WDR93: variants seen among roughly 807,000 people sequenced by gnomAD.
WDR93 encodes the protein WD repeat-containing protein 93.
Under a neutral mutation model 82.9 loss-of-function variants are expected in WDR93, and 73 were observed. That is an observed-to-expected ratio of 0.88 (90% CI 0.73 to 1.07). The LOEUF is 1.07. Among genes scored for constraint, WDR93 ranks in the 50% least tolerant of loss-of-function variants. The probability of loss-of-function intolerance (pLI) is 0.00; values close to 1 mark genes in which losing one functional copy is unlikely to be tolerated. For synonymous variants in WDR93, 283 were observed against 300.1 expected, an observed-to-expected ratio of 0.94 and a Z score of 0.59; for missense variants, 738 against 826.0, an observed-to-expected ratio of 0.89 and a Z score of 1.31.
At chr15:89,715,148 C>T in intron 6 of WDR93, 53 bp downstream of exon 6, 1 of 1,517,372 alleles carries the variant, frequency 6.6e-7, no homozygotes, top group South Asian at 1.2e-5. Flanking sequence ...CCCTGACCCA[C>T]ATCTAGCCCA....
rs775846107 is a variant in WDR93, at chr15:89,729,110, TG to T, written c.1123+20del. The T allele has an allele frequency of 3.1e-6, 5 of 1,612,216 alleles. No homozygotes were observed. The highest frequency in any genetic ancestry group is 3.4e-6 in the Non-Finnish European group (4 of 1,178,424). On this transcript the variant is annotated intron_variant, in intron 10 of 16. Coordinates refer to ENST00000268130, the MANE Select transcript of WDR93 (RefSeq NM_020212.2). ...GCCCCTCAGGTAAATGAACATGAAG[TG>T]GGTGGTTGTCCTAGCAAGGAGTCAC... is the stretch of plus-strand genomic sequence containing the variant.
At chr15:89,690,655 A>T, upstream of WDR93, 1 of 1,545,116 alleles carries the variant, frequency 6.5e-7, no homozygotes, top group Non-Finnish European at 8.8e-7. Context: ...AAAGGCCACG[A>T]GTCGCACGGG....
intron 3 of WDR93, chr15:89,703,573 T>C (rs1965578463): frequency 5.4e-6 from 1 of 185,986 alleles, no homozygotes; most frequent in Non-Finnish European, 1.1e-5. Flanking sequence ...AGGAGTATGG[T>C]ATCGAAAACT....
chr15:89,737,040 C>T (rs1170381435), intron 14 of WDR93, among the ~76,000 whole-genome samples: 1 of 152,196 alleles, frequency 6.6e-6, no homozygotes, highest in Non-Finnish European at 1.5e-5. Context: ...ATCCGCCCAC[C>T]TTGGCCTCCC....
intron 1 of WDR93, 87 bp downstream of exon 1, chr15:89,690,944 A>T (rs774717240): frequency 1.6e-4 from 42 of 265,850 alleles, no homozygotes; most frequent in Non-Finnish European, 2.8e-4. Flanking sequence ...CCTAGAGGAA[A>T]GTCTGAGGGG....
Position 89,703,056 on chromosome 15 carries a change from C to T in WDR93, c.410C>T (p.Ala137Val), listed in dbSNP as rs751986033. 6.6e-5 allele frequency: 107 copies of T among 1,614,110 alleles called. No individual in the cohort carries two copies. Among genetic ancestry groups the T allele is most frequent in the Non-Finnish European group, 8.5e-5 (100 of 1,180,004 alleles). Residue 137 changes from alanine to valine, a missense_variant, in exon 3 of 17, where the codon GCG becomes GTG. Coordinates refer to ENST00000268130, the MANE Select transcript of WDR93 (RefSeq NM_020212.2). ...YNLYSAKQIY[A>V]WEKLKVDVTS... is the part of the protein sequence containing the mutation. ...CTGTACAGTGCTAAACAAATATATG[C>T]GTGGGAGAAGCTTAAGGTTGATGTC...
rs768926346 is a variant in WDR93 at position 89,743,372 on chromosome 15, G to T, written c.2042G>T (p.Arg681Ile). 6.2e-7 allele frequency: 1 copy of T among 1,614,198 alleles called. No individual in the cohort carries two copies. Among genetic ancestry groups the T allele is most frequent in the South Asian group, 1.1e-5 (1 of 91,078 alleles). Reference protein sequence around the residue: ...RLQRYSLSLQRENFKK With the variant: ...RLQRYSLSLQIENFKK ...CAGAGGTACTCCTTGTCGCTCCAGA[G>T]AGAGAACTTCAAGAAGTGAGGCTGC... Residue 681 changes from arginine to isoleucine, a missense_variant, in exon 17 of 17, where the codon AGA becomes ATA. Physicochemically the swap from Arg to Ile is moderately conservative, Grantham distance 97 (BLOSUM62 -3). Transcript: ENST00000268130.
At chr15:89,721,053 T>A (rs992738346) in intron 7 of WDR93, 2 of 152,248 alleles carry the variant, frequency 1.3e-5, no homozygotes, top group African/African-American at 4.8e-5. Flanking sequence ...GATTGTTTTG[T>A]CATTATTCAC....
chr15:89,725,644 C>T (rs1177593191), intron 8 of WDR93, among the ~76,000 whole-genome samples: 1 of 151,422 alleles, frequency 6.6e-6, no homozygotes, highest in Non-Finnish European at 1.5e-5. Context: ...TCTCGACTCA[C>T]TGTGACCTCT....
Position 89,701,869 on chromosome 15 carries a change from T to C in WDR93, c.123T>C (p.His41=), listed in dbSNP as rs1596070926. 3.7e-6 allele frequency: 6 copies of C among 1,614,226 alleles called. No homozygotes were observed. The highest frequency in any genetic ancestry group is 2.2e-5 in the East Asian group (1 of 44,888). The change falls in exon 2 of 17, where the codon CAT becomes CAC. Residue 41 remains histidine (H), a synonymous_variant. Transcript: ENST00000268130. ...GGCCTAAAGACGATGAACAGGATCA[T>C]GTCCTCGTGGATCCAGATGAGGAGC... The part of the protein sequence containing the change: ...KDWPKDDEQD[H]VLVDPDEELD...
At chr15:89,708,791 A>T in intron 4 of WDR93, among the ~76,000 whole-genome samples, 1 of 152,216 alleles carries the variant, frequency 6.6e-6, no homozygotes, top group East Asian at 1.9e-4. Context: ...TCTGCAGCAG[A>T]CTAACCATTA....
chr15:89,712,958 T>C (rs1445488878), intron 5 of WDR93, among the ~76,000 whole-genome samples: 2 of 152,014 alleles, frequency 1.3e-5, no homozygotes, highest in Non-Finnish European at 2.9e-5. Flanking sequence ...AACCCGTCTC[T>C]ACTAAAAATA....
At chr15:89,741,644 A>G (rs1037428116) in intron 16 of WDR93, among the ~76,000 whole-genome samples, 2 of 152,234 alleles carry the variant, frequency 1.3e-5, no homozygotes, top group African/African-American at 2.4e-5. Flanking sequence ...AGGCAAATCA[A>G]CACAAAATAT....
chr15:89,738,096 T>C lies in WDR93; in HGVS notation c.1821T>C (p.Val607=), dbSNP rs768087145. 1.2e-6 allele frequency: 2 copies of C among 1,614,036 alleles called. No homozygotes were observed. The highest frequency in any genetic ancestry group is 1.3e-5 in the African/African-American group (1 of 75,004). ...ACGATGCTGGAATCCAATATTCTGT[T>C]TTCTATTTTAATTTTGAGGCCTGCC... ...STDDAGIQYS[V]FYFNFEACPL... The change falls in exon 16 of 17, where the codon GTT becomes GTC. Residue 607 remains valine (V), a synonymous_variant. Coordinates refer to ENST00000268130, the MANE Select transcript of WDR93 (RefSeq NM_020212.2).
intron 14 of WDR93, among the ~76,000 whole-genome samples, chr15:89,736,403 C>A (rs970868669): frequency 6.6e-6 from 1 of 152,098 alleles, no homozygotes; most frequent in African/African-American, 2.4e-5. Flanking sequence ...ATGTAGATTC[C>A]ATGCTCACCA....
In WDR93 at chr15:89,743,453, G is replaced by C. The variant is rs1216534769; in HGVS notation, c.*62G>C. 2.6e-6 allele frequency: 4 copies of C among 1,520,204 alleles called. No homozygotes were observed. The African/African-American group carries it at 5.5e-5, about 21-fold the overall frequency. The allele number at this position is 1,520,204 out of a possible 1,614,324, so 94.2% of individuals were successfully genotyped here. On this transcript the variant is annotated 3_prime_UTR_variant, in exon 17 of 17. Coordinates refer to ENST00000268130, the MANE Select transcript of WDR93 (RefSeq NM_020212.2). ...TCAGCCACGAGGCAGCTGCTCCCAGGACACTGAGGCCAAGAGAAATGTAAC... is the reference window on the plus strand; with the variant it reads ...TCAGCCACGAGGCAGCTGCTCCCAGCACACTGAGGCCAAGAGAAATGTAAC...
chr15:89,731,381 G>A (rs748024235), intron 11 of WDR93, 62 bp from the exon 12 acceptor site: 11 of 1,600,840 alleles, frequency 6.9e-6, no homozygotes, highest in Non-Finnish European at 9.4e-6. Flanking sequence ...GGTTGTCCAG[G>A]TAGAAGTGAT....
chr15:89,708,776 G>C (rs1292339924), intron 4 of WDR93, among the ~76,000 whole-genome samples: 1 of 152,234 alleles, frequency 6.6e-6, no homozygotes, highest in Non-Finnish European at 1.5e-5. Flanking sequence ...TGCAAGGCAA[G>C]TAGATCTGCA....
In WDR93 at chr15:89,714,975, T is replaced by A. The variant is rs763694488; in HGVS notation, c.641-5T>A. On this transcript the variant is annotated splice_region_variant and splice_polypyrimidine_tract_variant and intron_variant, in intron 5 of 16. Coordinates refer to ENST00000268130, the MANE Select transcript of WDR93 (RefSeq NM_020212.2). Reference sequence around the variant, plus strand: ...GCTCAATGGTTCTCTGGTTTCCCAATGCAGGAGCCGGAGATATTTGGCTGG... The same window carrying A: ...GCTCAATGGTTCTCTGGTTTCCCAAAGCAGGAGCCGGAGATATTTGGCTGG... The A allele has an allele frequency of 9.9e-6, 16 of 1,612,150 alleles. No homozygotes were observed. The highest frequency in any genetic ancestry group is 1.3e-5 in the African/African-American group (1 of 74,908).
Sources: gnomAD v4.1 joint callset for allele counts (sites outside exome capture counted in the v4.1 genomes callset) on GRCh38, gnomAD v4.1.1 for gene constraint, MANE v1.5 for transcripts, NCBI Gene and HGNC (gene_info 2026-07-23, HGNC 2026-07-21) for gene names.